CELF1: variants seen among roughly 807,000 people sequenced by gnomAD.
CELF1 encodes the protein 50 kDa nuclear polyadenylated RNA-binding protein.
Under a neutral mutation model 61.8 loss-of-function variants are expected in CELF1, and 10 were observed. The ratio of observed to expected loss-of-function variants is 0.16; its 90% CI spans 0.10 to 0.27. The LOEUF (loss-of-function observed/expected upper bound fraction) is 0.27, where lower values mean the gene tolerates loss of function less well. CELF1 is among the 10% of genes least tolerant of loss of function. The pLI is 1.00. For synonymous variants in CELF1, 236 were observed against 225.1 expected (o/e 1.05, Z -0.43); for missense variants, 380 against 639.1 (o/e 0.59, Z 4.37).
In CELF1 at chr11:47,536,243, C is replaced by T. The variant is rs1430039243; in HGVS notation, c.-154+16749G>A. 3.3e-5 allele frequency among the ~76,000 whole-genome samples: 5 copies of T among 151,958 alleles called. No individual in the cohort carries two copies. The East Asian group carries it at 9.7e-4, about 30-fold the overall frequency. Reference sequence around the variant, plus strand: ...AATTAGCTGGGCATGGTGCCAACGGCCTGTAGTAGCTCTTCTGGAGACTGA... The same window carrying T: ...AATTAGCTGGGCATGGTGCCAACGGTCTGTAGTAGCTCTTCTGGAGACTGA... On this transcript the variant is annotated intron_variant, in intron 1 of 14. Transcript: ENST00000687097.
chr11:47,503,062 T>A (rs1454255334), intron 1 of CELF1, among the ~76,000 whole-genome samples: 2 of 152,220 alleles, frequency 1.3e-5, no homozygotes, highest in African/African-American at 4.8e-5. Flanking sequence ...ATTCTCTACT[T>A]TTTAAAAGAG....
At chr11:47,535,121 T>C (rs530188249) in intron 1 of CELF1, among the ~76,000 whole-genome samples, 65 of 152,240 alleles carry the variant, frequency 4.3e-4, no homozygotes, top group African/African-American at 1.5e-3. Context: ...GATTTCACAG[T>C]AATAATCTAG....
chr11:47,535,642 G>A (rs1420279178), intron 1 of CELF1, among the ~76,000 whole-genome samples: 2 of 145,314 alleles, frequency 1.4e-5, no homozygotes, highest in African/African-American at 5.2e-5. Context: ...TTGCACCACT[G>A]CACTCCAGCC....
At chr11:47,545,204 C>T (rs1386353694) in intron 1 of CELF1, among the ~76,000 whole-genome samples, 1 of 151,954 alleles carries the variant, frequency 6.6e-6, no homozygotes, top group Non-Finnish European at 1.5e-5. Flanking sequence ...CCGAGGTGGG[C>T]GGATCACCTG....
intron 4 of CELF1, 54 bp downstream of exon 4, chr11:47,488,783 C>CTT: frequency 7.4e-7 from 1 of 1,345,262 alleles, no homozygotes; most frequent in Non-Finnish European, 9.7e-7. Flanking sequence ...AAGCCCTCAC[C>CTT]TGCTCTGAGA....
At chr11:47,556,345 C>A (rs1336359173), upstream of CELF1, among the ~76,000 whole-genome samples, 1 of 152,014 alleles carries the variant, frequency 6.6e-6, no homozygotes, top group Non-Finnish European at 1.5e-5. Flanking sequence ...CCACCATGTC[C>A]AACTAATTTT....
At chr11:47,533,078 TTTTC>T (rs1285812144) in intron 1 of CELF1, among the ~76,000 whole-genome samples, 2 of 152,072 alleles carry the variant, frequency 1.3e-5, no homozygotes, top group African/African-American at 4.8e-5. Flanking sequence ...AGGCTTTTTT[TTTTC>T]TATCACAGTA....
chr11:47,483,364 G>T, intron 8 of CELF1, 89 bp downstream of exon 8: 1 of 974,772 alleles, frequency 1.0e-6, no homozygotes. Context: ...TGGGCAATCA[G>T]ATGCTGCACA....
chr11:47,543,236 T>C (rs1331775237), intron 1 of CELF1, among the ~76,000 whole-genome samples: 1 of 152,058 alleles, frequency 6.6e-6, no homozygotes, highest in East Asian at 1.9e-4. Flanking sequence ...GGACCCCATC[T>C]CTACAAAAAA....
intron 1 of CELF1, chr11:47,514,007 C>A (rs1416553834): frequency 6.6e-6 from 1 of 151,326 alleles, no homozygotes; most frequent in Non-Finnish European, 1.5e-5. Flanking sequence ...CAGCTCACTG[C>A]AGCCTCTGCC....
chr11:47,518,865 C>T (rs532916806), intron 1 of CELF1, among the ~76,000 whole-genome samples: 1 of 152,314 alleles, frequency 6.6e-6, no homozygotes, highest in African/African-American at 2.4e-5. Context: ...AAGAACCCTG[C>T]CTTTACCATC....
At chr11:47,529,485 G>A (rs1418275445) in intron 1 of CELF1, among the ~76,000 whole-genome samples, 1 of 152,022 alleles carries the variant, frequency 6.6e-6, no homozygotes. Flanking sequence ...CCAGGAGTTC[G>A]AGAGCAGCCT....
intron 1 of CELF1, among the ~76,000 whole-genome samples, chr11:47,544,407 T>C (rs2096881964): frequency 6.6e-6 from 1 of 152,146 alleles, no homozygotes; most frequent in Admixed American, 6.6e-5. Flanking sequence ...AGTTGGTATC[T>C]CCACTTTAAA....
At chr11:47,515,462 A>C (rs2153626437) in intron 1 of CELF1, among the ~76,000 whole-genome samples, 1 of 152,334 alleles carries the variant, frequency 6.6e-6, no homozygotes, top group Non-Finnish European at 1.5e-5. Flanking sequence ...CCCTGCCATG[A>C]GGCCAAATCT....
chr11:47,539,638 A>G (rs2153718032), intron 1 of CELF1, among the ~76,000 whole-genome samples: 1 of 152,344 alleles, frequency 6.6e-6, no homozygotes, highest in Non-Finnish European at 1.5e-5. Flanking sequence ...GTCTAACTCA[A>G]AGTTATTTCG....
chr11:47,474,261 C>G (rs1490642709), intron 13 of CELF1, among the ~76,000 whole-genome samples: 1 of 152,212 alleles, frequency 6.6e-6, no homozygotes, highest in Non-Finnish European at 1.5e-5. Context: ...TCCAGCCACC[C>G]TGGCCTCCCT....
intron 4 of CELF1, 120 bp downstream of exon 4, chr11:47,488,717 C>T (rs1054658873): frequency 1.5e-5 from 10 of 685,478 alleles, no homozygotes; most frequent in East Asian, 9.0e-5. Context: ...AGAGAGAATG[C>T]ACATGAAAGA....
chr11:47,481,616 T>C (rs952351768), intron 9 of CELF1, among the ~76,000 whole-genome samples: 12 of 152,156 alleles, frequency 7.9e-5, no homozygotes, highest in African/African-American at 2.9e-4. Context: ...TCCATACAAA[T>C]CTAGTGGTTT....
chr11:47,500,914 A>G lies in CELF1; in HGVS notation c.-135T>C, dbSNP rs2093813480. The G allele has an allele frequency of 2.5e-6, 1 of 398,492 alleles. No individual in the cohort carries two copies. The highest frequency in any genetic ancestry group is 2.1e-5 in the African/African-American group (1 of 48,628). 24.7% of individuals were successfully genotyped at this position (398,492 alleles called of 1,614,324 possible). A position where few individuals can be genotyped will look rare whatever the true frequency, so the allele number is the denominator to read the frequency against. On this transcript the variant is annotated 5_prime_UTR_variant, in exon 2 of 15. Coordinates refer to ENST00000687097, the MANE Select transcript of CELF1 (RefSeq NM_001376376.1). ...GTTCACAACACAGGGAACTTTGAAA[A>G]AAAGAAGTTATGTTCAGCCTGCAAA...
Sources: gnomAD v4.1 joint callset for allele counts (sites outside exome capture counted in the v4.1 genomes callset) on GRCh38, gnomAD v4.1.1 for gene constraint, MANE v1.5 for transcripts, NCBI Gene and HGNC (gene_info 2026-07-23, HGNC 2026-07-21) for gene names.